The following PGR variants were observed in gnomAD, a reference collection of about 807,000 sequenced individuals.
PGR encodes the protein progesterone receptor.
A neutral mutation model predicts 76.1 loss-of-function variants in PGR; 25 were observed. The observed-to-expected ratio is 0.33, with a 90% CI of 0.24 to 0.46. PGR has a LOEUF of 0.46. Ranked by LOEUF, PGR falls within the 20% of genes least tolerant of loss-of-function variation. The pLI, the probability that PGR is intolerant of heterozygous loss-of-function variation, is 1.00. For synonymous variants in PGR, 579 were observed against 535.0 expected (o/e 1.08, Z -1.14); for missense variants, 1,172 against 1,225.3 (o/e 0.96, Z 0.65).
rs765302391 is a variant in PGR at position 101,032,735 on chromosome 11, C to T, written c.*6381G>A. The T allele has an allele frequency of 9.9e-6, 2 of 203,016 alleles. No individual in the cohort carries two copies. The highest frequency in any genetic ancestry group is 2.0e-5 in the Non-Finnish European group (2 of 98,952). 12.6% of individuals were successfully genotyped at this position (203,016 alleles called of 1,614,324 possible). A position where few individuals can be genotyped will look rare whatever the true frequency, so the allele number is the denominator to read the frequency against. On this transcript the variant is annotated 3_prime_UTR_variant, in exon 8 of 8. Coordinates refer to ENST00000325455, the MANE Select transcript of PGR (RefSeq NM_000926.4). Reference sequence around the variant, plus strand: ...CTCCTCTTAGGTGCTCCAATAGTTCCCTGTACTTCCTCCAGCATAAGCATT... The same window carrying T: ...CTCCTCTTAGGTGCTCCAATAGTTCTCTGTACTTCCTCCAGCATAAGCATT...
intron 2 of PGR, among the ~76,000 whole-genome samples, chr11:101,106,571 G>A (rs674221): frequency 0.24 from 37,117 of 152,136 alleles, 5,641 homozygotes; most frequent in Non-Finnish European, 0.34. Context: ...AACAACAGAT[G>A]CTGGAGAGGA....
At chr11:101,081,461 CCAGAATGTTCAAAGGCAATATTA>C (rs1475393065) in intron 3 of PGR, among the ~76,000 whole-genome samples, 1 of 151,510 alleles carries the variant, frequency 6.6e-6, no homozygotes, top group African/African-American at 2.4e-5. Context: ...TATATAGTCA[CCAGAATGTTCAAAGGCAATATTA>C]CAGAAAAAAT....
At chr11:101,091,183 T>G (rs1861664167) in intron 3 of PGR, among the ~76,000 whole-genome samples, 1 of 152,166 alleles carries the variant, frequency 6.6e-6, no homozygotes, top group Non-Finnish European at 1.5e-5. Flanking sequence ...TGACATTAAT[T>G]TTTTAAATGT....
chr11:101,116,257 A>G (rs888938289), intron 2 of PGR, among the ~76,000 whole-genome samples: 7 of 152,192 alleles, frequency 4.6e-5, no homozygotes, highest in African/African-American at 1.7e-4. Context: ...TTTTGCTTCA[A>G]TATTCTTCAA....
intron 2 of PGR, among the ~76,000 whole-genome samples, chr11:101,110,070 T>A (rs539634069): frequency 1.3e-5 from 2 of 152,138 alleles, no homozygotes; most frequent in African/African-American, 4.8e-5. Context: ...TGAGACCTAC[T>A]GCTTAGAAAA....
Position 101,039,253 on chromosome 11 carries a change from G to C in PGR, c.2665C>G (p.Leu889Val). The change falls in exon 8 of 8, where the codon CTG (leucine) becomes GTG (valine). Residue 889 changes from leucine to valine, a missense_variant. This residue lies in a region of PGR where 166 missense variants were observed against 296.0 expected (regional missense o/e 0.56). Transcript: ENST00000325455. ...NLHDLVKQLHLYCLNTFIQSR... is the reference protein window; with the variant it reads ...NLHDLVKQLHVYCLNTFIQSR... ...TGGATAAATGTATTCAAGCAGTACA[G>C]ATGAAGTTGTTTGACAAGCTGTTGG... 6.2e-7 allele frequency: 1 copy of C among 1,610,902 alleles called. No individual in the cohort carries two copies. The highest frequency in any genetic ancestry group is 8.5e-7 in the Non-Finnish European group (1 of 1,177,616).
chr11:101,041,933 C>A lies in PGR; in HGVS notation c.2646+12G>T. ...ATAATCATTGATATTCTGGAATCAACCAAATACTTACATCATGCAAGTTAT... is the reference window on the plus strand; with the variant it reads ...ATAATCATTGATATTCTGGAATCAAACAAATACTTACATCATGCAAGTTAT... On this transcript the variant is annotated intron_variant, in intron 7 of 7. Coordinates refer to ENST00000325455, the MANE Select transcript of PGR (RefSeq NM_000926.4). 1 of 1,607,390 alleles carries A rather than the reference C, an allele frequency of 6.2e-7. No homozygotes were observed. The highest frequency in any genetic ancestry group is 8.5e-7 in the Non-Finnish European group (1 of 1,174,300).
intron 3 of PGR, among the ~76,000 whole-genome samples, chr11:101,068,087 G>A (rs1366262401): frequency 6.6e-6 from 1 of 152,100 alleles, no homozygotes; most frequent in Non-Finnish European, 1.5e-5. Context: ...GAGTCCAGAG[G>A]TGGATGTTAA....
Position 101,127,699 on chromosome 11 carries a change from G to C in PGR, c.1372C>G (p.Leu458Val), listed in dbSNP as rs1012024897. ...TCCGCTTTGTACAGGATGCACTCCA[G>C]GGTCGACCCCGAGGAGGACGCAGAC... ...VSSASSSGST[L>V]ECILYKAEGA... is the part of the protein sequence containing the mutation. Residue 458 changes from leucine to valine, a missense_variant, in exon 1 of 8, where the codon CTG (leucine) becomes GTG (valine). Physicochemically the swap from Leu to Val is conservative, Grantham distance 32. Around this residue, in one of 4 missense-constraint regions of PGR, gnomAD observed 893 missense variants for 785.9 expected, o/e 1.14. Transcript: ENST00000325455. 1 of 1,583,174 alleles carries C rather than the reference G, an allele frequency of 6.3e-7. No individual in the cohort carries two copies. The highest frequency in any genetic ancestry group is 1.3e-5 in the African/African-American group (1 of 74,866).
intron 6 of PGR, among the ~76,000 whole-genome samples, chr11:101,043,860 T>G (rs1859776515): frequency 6.6e-6 from 1 of 152,172 alleles, no homozygotes; most frequent in Non-Finnish European, 1.5e-5. Context: ...AACCATGCCA[T>G]AAATAGATGT....
intron 2 of PGR, among the ~76,000 whole-genome samples, chr11:101,106,440 T>C (rs1052450935): frequency 6.6e-6 from 1 of 152,170 alleles, no homozygotes; most frequent in Non-Finnish European, 1.5e-5. Context: ...AAAAGACATT[T>C]ATGCAGCCGA....
intron 4 of PGR, among the ~76,000 whole-genome samples, chr11:101,054,044 G>A (rs751809311): frequency 2.6e-5 from 4 of 152,092 alleles, no homozygotes; most frequent in Non-Finnish European, 5.9e-5. Flanking sequence ...TGATGTTGGT[G>A]GTGTCCAGAT....
intron 4 of PGR, among the ~76,000 whole-genome samples, chr11:101,053,644 C>T (rs11602930): frequency 7.6e-6 from 1 of 131,106 alleles, no homozygotes; most frequent in Non-Finnish European, 1.7e-5. Flanking sequence ...CCTTTCTTCC[C>T]TCCCCTTTTC....
chr11:101,063,796 G>A (rs1279133560), intron 3 of PGR: 1 of 152,286 alleles, frequency 6.6e-6, no homozygotes, highest in East Asian at 1.9e-4. Context: ...GAGACCATCC[G>A]TGAATTACTT....
chr11:101,105,308 A>G (rs1325892721), intron 2 of PGR, among the ~76,000 whole-genome samples: 2 of 152,110 alleles, frequency 1.3e-5, no homozygotes, highest in African/African-American at 4.8e-5. Context: ...CAGACTCTCA[A>G]CCTCTGGAAT....
chr11:101,102,992 G>A (rs924386863), intron 2 of PGR, among the ~76,000 whole-genome samples: 6 of 151,896 alleles, frequency 4.0e-5, no homozygotes, highest in East Asian at 3.9e-4. Flanking sequence ...TAGGGTTTGC[G>A]CTGCTATGAG....
Position 101,128,403 on chromosome 11 carries a change from T to A in PGR, c.668A>T (p.Glu223Val). 6.2e-7 allele frequency: 1 copy of A among 1,610,486 alleles called. No individual in the cohort carries two copies. Among genetic ancestry groups the A allele is most frequent in the Non-Finnish European group, 8.5e-7 (1 of 1,179,830 alleles). The change falls in exon 1 of 8, where the codon GAG (glutamate) becomes GTG (valine). Residue 223 changes from glutamate to valine, a missense_variant. Glu to Val is a moderately radical substitution (Grantham distance 121). Coordinates refer to ENST00000325455, the MANE Select transcript of PGR (RefSeq NM_000926.4). Reference sequence around the variant, plus strand: ...CTCCTCGGACTCAGAGCCATCCTCCTCCTCAACCTCCACCGCAGCGGCCTG... The same window carrying A: ...CTCCTCGGACTCAGAGCCATCCTCCACCTCAACCTCCACCGCAGCGGCCTG... ...SPQAAAVEVEEEDGSESEESA... is the reference protein window; with the variant it reads ...SPQAAAVEVEVEDGSESEESA...
At chr11:101,064,917 T>A (rs1421774836) in intron 3 of PGR, among the ~76,000 whole-genome samples, 1 of 152,322 alleles carries the variant, frequency 6.6e-6, no homozygotes, top group East Asian at 1.9e-4. Context: ...TGCATTACAG[T>A]TGCCTACAAA....
In PGR at chr11:101,109,313, C is replaced by CA. The variant is rs1468441283; in HGVS notation, c.1789+16693dup. On this transcript the variant is annotated intron_variant, in intron 2 of 7. Coordinates refer to ENST00000325455, the MANE Select transcript of PGR (RefSeq NM_000926.4). ...AGGAATGTCAAAAGCCAAGACAGGC[C>CA]AAAAGCTAGGCCTCTTGCACCAGTT... 3.3e-5 allele frequency among the ~76,000 whole-genome samples: 5 copies of CA among 152,210 alleles called. No homozygotes were observed. In the South Asian group the frequency reaches 6.2e-4, roughly 19 times the overall value.
Sources: gnomAD v4.1 joint callset for allele counts (sites outside exome capture counted in the v4.1 genomes callset) on GRCh38, gnomAD v4.1.1 for gene constraint, gnomAD v4.1.1 regional missense constraint, MANE v1.5 for transcripts, NCBI Gene and HGNC (gene_info 2026-07-23, HGNC 2026-07-21) for gene names.